Variants in CAMTA1 observed in about 807,000 individuals in gnomAD.
CAMTA1 encodes the protein calmodulin-binding transcription activator 1.
Under a neutral mutation model 170.9 loss-of-function variants are expected in CAMTA1, and 27 were observed. That is an observed-to-expected ratio of 0.16 (90% confidence interval 0.12 to 0.22). The LOEUF (loss-of-function observed/expected upper bound fraction) is 0.22. CAMTA1 is among the 10% of genes least tolerant of loss of function. The probability of loss-of-function intolerance (pLI) is 1.00; values close to 1 mark genes in which losing one functional copy is unlikely to be tolerated. For missense variants in CAMTA1, 1,619 were observed against 2,217.2 expected (o/e 0.73, Z 5.42); for synonymous variants, 833 against 891.5 (o/e 0.93, Z 1.17).
chr1:7,593,511 A>G (rs1471677062), intron 6 of CAMTA1, among the ~76,000 whole-genome samples: 3 of 138,810 alleles, frequency 2.2e-5, no homozygotes, highest in Non-Finnish European at 3.0e-5. Context: ...TTTTTTTGAG[A>G]CAGAGTCCCA....
chr1:7,218,991 G>A (rs1483044247), intron 4 of CAMTA1, among the ~76,000 whole-genome samples: 2 of 152,102 alleles, frequency 1.3e-5, no homozygotes, highest in East Asian at 1.9e-4. Flanking sequence ...TTTAGGAGAC[G>A]TGTGCAGTTA....
chr1:7,713,057 C>G (rs1172031918), intron 11 of CAMTA1, among the ~76,000 whole-genome samples: 2 of 152,162 alleles, frequency 1.3e-5, no homozygotes, highest in African/African-American at 2.4e-5. Context: ...CACAGCCAAA[C>G]CATATCAGGA....
At chr1:7,241,694 G>A (rs1382734780) in intron 4 of CAMTA1, among the ~76,000 whole-genome samples, 1 of 152,132 alleles carries the variant, frequency 6.6e-6, no homozygotes, top group Non-Finnish European at 1.5e-5. Flanking sequence ...TGGAGTTGGG[G>A]GTGGAGAAAA....
Position 7,535,420 on chromosome 1 carries a change from G to A in CAMTA1, c.510+67519G>A, listed in dbSNP as rs144924372. On this transcript the variant is annotated intron_variant, in intron 6 of 22. Transcript: ENST00000303635. Reference sequence around the variant, plus strand: ...AGGCTCAATCTTTACGTCAGACAGAGTATGTGGGCTCAGGACCTGCCCTGT... The same window carrying A: ...AGGCTCAATCTTTACGTCAGACAGAATATGTGGGCTCAGGACCTGCCCTGT... Among the ~76,000 whole-genome samples the A allele has an allele frequency of 2.6e-3, 394 of 152,302 alleles. 4 individuals carry two copies. In the East Asian group the frequency reaches 0.026, roughly 10 times the overall value.
rs535723386 is a variant in CAMTA1 at position 7,003,571 on chromosome 1, G to A, written c.235-87733G>A. Among the ~76,000 whole-genome samples the A allele has an allele frequency of 3.3e-5, 5 of 152,174 alleles. No homozygotes were observed. In the South Asian group the frequency reaches 8.3e-4, roughly 25 times the overall value. On this transcript the variant is annotated intron_variant, in intron 3 of 22. Coordinates refer to ENST00000303635, the MANE Select transcript of CAMTA1 (RefSeq NM_015215.4). ...GCACTTACCAGTACATGCCTAGAGC[G>A]AGGGAGCTCCTGGACTTTATTATTA...
In CAMTA1 at chr1:7,568,604, CATCACCATCATCATCACCAT is replaced by C. The variant is rs1224932176; in HGVS notation, c.511-71795_511-71776del. On this transcript the variant is annotated intron_variant, in intron 6 of 22. Coordinates refer to ENST00000303635, the MANE Select transcript of CAMTA1 (RefSeq NM_015215.4). ...ATCAACATCACCATCATCATCACCA[CATCACCATCATCATCACCAT>C]CACATCACCATCACCACCACCATCC... 3.4e-3 allele frequency among the ~76,000 whole-genome samples: 515 copies of C among 150,892 alleles called. 5 individuals carry two copies. The highest frequency in any genetic ancestry group is 0.012 in the African/African-American group (476 of 40,832).
intron 3 of CAMTA1, among the ~76,000 whole-genome samples, chr1:6,930,369 A>G (rs1684181273): frequency 6.6e-6 from 1 of 152,192 alleles, no homozygotes; most frequent in Admixed American, 6.5e-5. Context: ...TGTGGCAGAA[A>G]CAGATAGGCC....
chr1:7,420,123 C>T (rs536128938), intron 5 of CAMTA1, among the ~76,000 whole-genome samples: 3 of 152,266 alleles, frequency 2.0e-5, no homozygotes, highest in Non-Finnish European at 4.4e-5. Flanking sequence ...ACTCTGGGCC[C>T]GCACACCCTC....
intron 2 of CAMTA1, among the ~76,000 whole-genome samples, chr1:6,822,544 T>C (rs1404624364): frequency 6.6e-6 from 1 of 152,178 alleles, no homozygotes; most frequent in Non-Finnish European, 1.5e-5. Context: ...CCTAAAATTC[T>C]GGAAATGGTA....
At position 7,010,301 on chromosome 1, in the gene CAMTA1, C is replaced by T. The variant is rs991946687; in HGVS notation, c.235-81003C>T. ...CCGGCTCCTGGGCCGCCCCCTCACT[C>T]GGCGTCCAGTGCTCAGGCCTCTGGG... On this transcript the variant is annotated intron_variant, in intron 3 of 22. Transcript: ENST00000303635. This position sits in a 1 kb window ranked among gnomAD's most constrained non-coding sequence, Gnocchi z 4.4. 3.9e-5 allele frequency among the ~76,000 whole-genome samples: 6 copies of T among 152,150 alleles called. No individual in the cohort carries two copies. The highest frequency in any genetic ancestry group is 1.9e-4 in the East Asian group (1 of 5,174).
intron 6 of CAMTA1, among the ~76,000 whole-genome samples, chr1:7,628,282 C>A (rs958514526): frequency 2.0e-5 from 3 of 152,230 alleles, no homozygotes; most frequent in Admixed American, 1.3e-4. Context: ...TGACTCCAAC[C>A]AAAGCCTAGT....
Position 7,051,623 on chromosome 1 carries a change from G to A in CAMTA1, c.235-39681G>A, listed in dbSNP as rs144136487. Among the ~76,000 whole-genome samples the A allele has an allele frequency of 7.7e-3, 1,122 of 146,204 alleles. 2 individuals carry two copies. Among genetic ancestry groups the A allele is most frequent in the Non-Finnish European group, 0.012 (776 of 65,360 alleles). On this transcript the variant is annotated intron_variant, in intron 3 of 22. Transcript: ENST00000303635. ...TGATGCACTTGGGGGCTCAGTTGCT[G>A]TTGGTGCTTTGATAGACTGTCCCTT...
chr1:7,679,508 G>A (rs140392259), intron 11 of CAMTA1, among the ~76,000 whole-genome samples: 31 of 151,952 alleles, frequency 2.0e-4, no homozygotes, highest in African/African-American at 6.3e-4. Context: ...GACACACCCC[G>A]GGACCTCGGC....
intron 1 of CAMTA1, among the ~76,000 whole-genome samples, chr1:6,790,334 T>C (rs1297632067): frequency 1.3e-5 from 2 of 151,470 alleles, no homozygotes; most frequent in African/African-American, 4.9e-5. Flanking sequence ...TTAGCAGCTT[T>C]CCCCCAGACT....
intron 3 of CAMTA1, among the ~76,000 whole-genome samples, chr1:6,835,680 G>A (rs1652736702): frequency 6.6e-6 from 1 of 152,216 alleles, no homozygotes; most frequent in Admixed American, 6.5e-5. Context: ...TCACTGGACT[G>A]TAGGCTCAGC....
At position 7,737,287 on chromosome 1, in the gene CAMTA1, T is replaced by C; in HGVS notation, c.3375T>C (p.Ala1125=). 1 of 1,614,098 alleles carries C rather than the reference T, an allele frequency of 6.2e-7. No homozygotes were observed. Among genetic ancestry groups the C allele is most frequent in the East Asian group, 2.2e-5 (1 of 44,884 alleles). ...MWACALGHLE[A]AVVLYKWDRR... is the part of the protein sequence containing the mutation. ...CGTGTGCCCTAGGGCACTTGGAAGCTGCCGTCGTGCTGTACAAGTGGGACC... is the reference window on the plus strand; with the variant it reads ...CGTGTGCCCTAGGGCACTTGGAAGCCGCCGTCGTGCTGTACAAGTGGGACC... Residue 1125 remains alanine (A), a synonymous_variant, in exon 15 of 23, where the codon GCT becomes GCC. Transcript: ENST00000303635.
intron 6 of CAMTA1, among the ~76,000 whole-genome samples, chr1:7,584,346 C>G (rs1392855958): frequency 6.6e-6 from 1 of 151,900 alleles, no homozygotes; most frequent in Non-Finnish European, 1.5e-5. Flanking sequence ...TCGGGGGCTT[C>G]CGGCTGAACT....
chr1:7,683,008 A>G (rs2096224584), intron 11 of CAMTA1, among the ~76,000 whole-genome samples: 1 of 152,108 alleles, frequency 6.6e-6, no homozygotes, highest in African/African-American at 2.4e-5. Context: ...CGCCTCTACT[A>G]AAAATACAAA....
chr1:7,437,116 G>T (rs925866001), intron 5 of CAMTA1, among the ~76,000 whole-genome samples: 16 of 152,058 alleles, frequency 1.1e-4, no homozygotes, highest in African/African-American at 3.6e-4. Context: ...GGAAGAGGAG[G>T]GAGGCCCAGC....
Sources: allele counts gnomAD v4.1 joint callset (sites outside exome capture counted in the v4.1 genomes callset), GRCh38; gene constraint gnomAD v4.1.1; non-coding constraint Gnocchi (gnomAD v3.1); transcripts MANE v1.5; gene names NCBI Gene and HGNC (gene_info 2026-07-23, HGNC 2026-07-21).